Variants in PPARGC1A observed in about 807,000 individuals in gnomAD.
PPARGC1A encodes PPARG coactivator 1 alpha, also known as peroxisome proliferator-activated receptor gamma coactivator 1-alpha.
In PPARGC1A, 25 loss-of-function variants were observed where a neutral mutation model predicts 88.7. The ratio of observed to expected loss-of-function variants is 0.28; its 90% CI spans 0.21 to 0.39. PPARGC1A has a LOEUF of 0.39. Ranked by LOEUF, PPARGC1A falls within the 10% of genes least tolerant of loss-of-function variation. The pLI is 1.00. For synonymous variants in PPARGC1A, 363 were observed against 355.6 expected, an observed-to-expected ratio of 1.02 and a Z score of -0.24; for missense variants, 880 against 968.7, an observed-to-expected ratio of 0.91 and a Z score of 1.22.
the PPARGC1A span, among the ~76,000 whole-genome samples, chr4:23,945,521 A>G: frequency 1.3e-5 from 2 of 152,170 alleles, no homozygotes; most frequent in Non-Finnish European, 2.9e-5. Flanking sequence ...CAGACAAGTG[A>G]CCAGAAGAAG....
rs143250187 is a variant in PPARGC1A at position 23,868,677 on chromosome 4, C to G, written c.234+16075G>C. Among the ~76,000 whole-genome samples the G allele has an allele frequency of 3.3e-3, 496 of 152,312 alleles. 4 individuals carry two copies. Among genetic ancestry groups the G allele is most frequent in the African/African-American group, 9.8e-3 (407 of 41,572 alleles). ...AGATGCTCTTTTGCACATGTGACAACAAAAATTCACTTTGTGCCAAAGACG... is the reference window on the plus strand; with the variant it reads ...AGATGCTCTTTTGCACATGTGACAAGAAAAATTCACTTTGTGCCAAAGACG... On this transcript the variant is annotated intron_variant, in intron 2 of 12. Coordinates refer to ENST00000264867, the MANE Select transcript of PPARGC1A (RefSeq NM_013261.5).
the PPARGC1A span, among the ~76,000 whole-genome samples, chr4:24,007,437 A>G: frequency 6.6e-6 from 1 of 152,200 alleles, no homozygotes; most frequent in African/African-American, 2.4e-5. Context: ...AAATCAAACT[A>G]CAAATATAGT....
chr4:24,283,880 G>A, the PPARGC1A span, among the ~76,000 whole-genome samples: 3 of 152,150 alleles, frequency 2.0e-5, no homozygotes, highest in African/African-American at 7.2e-5. Flanking sequence ...GTATTTGAAC[G>A]GGTCTTGGCC....
the PPARGC1A span, among the ~76,000 whole-genome samples, chr4:24,387,083 G>A: frequency 2.2e-4 from 34 of 152,122 alleles, no homozygotes; most frequent in African/African-American, 7.5e-4. Context: ...CAGAAACAAC[G>A]CCACACATCT....
chr4:23,868,759 G>A (rs1306031991), intron 2 of PPARGC1A, among the ~76,000 whole-genome samples: 1 of 152,182 alleles, frequency 6.6e-6, no homozygotes, highest in African/African-American at 2.4e-5. Context: ...GCCTGGTAAA[G>A]GCTTAATGTA....
At chr4:23,812,599 T>A in intron 10 of PPARGC1A, 148 bp downstream of exon 10, 1 of 1,236,360 alleles carries the variant, frequency 8.1e-7, no homozygotes, top group Non-Finnish European at 1.1e-6. Context: ...GACCGAAGAC[T>A]TATGGATATT....
the PPARGC1A span, among the ~76,000 whole-genome samples, chr4:24,363,458 C>T: frequency 7.9e-5 from 12 of 152,224 alleles, no homozygotes; most frequent in Admixed American, 2.0e-4. Flanking sequence ...ACATTCAGCT[C>T]GGTAATATAC....
the PPARGC1A span, among the ~76,000 whole-genome samples, chr4:24,136,657 A>G: frequency 6.6e-6 from 1 of 152,126 alleles, no homozygotes; most frequent in African/African-American, 2.4e-5. Flanking sequence ...AATGTTAAAC[A>G]GCCTTTCCCA....
In PPARGC1A at chr4:23,814,004, T is replaced by C; in HGVS notation, c.1479A>G (p.Gln493=). The change falls in exon 8 of 13, where the codon CAA becomes CAG. Residue 493 remains glutamine, a synonymous_variant. Transcript: ENST00000264867. The part of the protein sequence containing the change: ...ELRDSDFSNE[Q]FSKLPMFINS... ...TTATAAACATAGGTAGTTTGGAGAA[T>C]TGTTCATTACTGAAATCACTGTCCC... 6.2e-7 allele frequency: 1 copy of C among 1,614,046 alleles called. No individual in the cohort carries two copies. Among genetic ancestry groups the C allele is most frequent in the Non-Finnish European group, 8.5e-7 (1 of 1,179,952 alleles).
chr4:24,445,678 CCCA>C, the PPARGC1A span, among the ~76,000 whole-genome samples: 1 of 152,112 alleles, frequency 6.6e-6, no homozygotes, highest in Non-Finnish European at 1.5e-5. Flanking sequence ...ATCAGAAAAT[CCCA>C]CCATTATACA....
chr4:24,194,612 A>ACG, the PPARGC1A span, among the ~76,000 whole-genome samples: 11 of 56,716 alleles, frequency 1.9e-4, no homozygotes, highest in African/African-American at 5.4e-4. Context: ...GCTGGCACAC[A>ACG]CGCGCGCGCA....
At chr4:24,259,767 T>C in the PPARGC1A span, among the ~76,000 whole-genome samples, 2 of 152,210 alleles carry the variant, frequency 1.3e-5, no homozygotes, top group African/African-American at 2.4e-5. Context: ...TCTTCCTTTT[T>C]TCTATCTTTT....
chr4:24,395,438 T>C, the PPARGC1A span, among the ~76,000 whole-genome samples: 1 of 152,134 alleles, frequency 6.6e-6, no homozygotes, highest in Non-Finnish European at 1.5e-5. Flanking sequence ...CACTGACAAA[T>C]AAGTTGGGGT....
At chr4:23,850,471 T>C (rs1160598156) in intron 2 of PPARGC1A, among the ~76,000 whole-genome samples, 1 of 152,206 alleles carries the variant, frequency 6.6e-6, no homozygotes, top group Non-Finnish European at 1.5e-5. Context: ...TTCTATAAAG[T>C]ACAAGCATGG....
At chr4:24,081,668 C>T in the PPARGC1A span, among the ~76,000 whole-genome samples, 1 of 151,952 alleles carries the variant, frequency 6.6e-6, no homozygotes, top group Non-Finnish European at 1.5e-5. Flanking sequence ...GAGGTTTCAG[C>T]ATTTAAAGTG....
chr4:24,033,502 T>C, the PPARGC1A span, among the ~76,000 whole-genome samples: 2 of 151,910 alleles, frequency 1.3e-5, no homozygotes, highest in Non-Finnish European at 2.9e-5. Context: ...ACAGGTGAAG[T>C]GTCACAGGGG....
chr4:24,167,504 A>G, the PPARGC1A span, among the ~76,000 whole-genome samples: 2 of 152,210 alleles, frequency 1.3e-5, no homozygotes, highest in South Asian at 2.1e-4. Flanking sequence ...TTGTGTGTAA[A>G]ATGTTATCAG....
At chr4:23,819,085 A>G (rs1722516917) in intron 7 of PPARGC1A, among the ~76,000 whole-genome samples, 2 of 152,030 alleles carry the variant, frequency 1.3e-5, no homozygotes, top group South Asian at 4.2e-4. Context: ...TTCAGGCCTC[A>G]TGAATTTGGA....
At chr4:23,923,491 A>G in the PPARGC1A span, among the ~76,000 whole-genome samples, 1 of 152,224 alleles carries the variant, frequency 6.6e-6, no homozygotes, top group Non-Finnish European at 1.5e-5. Context: ...AAAACAATGA[A>G]TAAGATATGG....
Sources: allele counts gnomAD v4.1 joint callset (sites outside exome capture counted in the v4.1 genomes callset), GRCh38; gene constraint gnomAD v4.1.1; transcripts MANE v1.5; gene names NCBI Gene and HGNC (gene_info 2026-07-23, HGNC 2026-07-21).